KCNH7: variants seen among roughly 807,000 people sequenced by gnomAD.
KCNH7 encodes voltage-gated inwardly rectifying potassium channel KCNH7.
A neutral mutation model predicts 120.8 loss-of-function variants in KCNH7; 49 were observed. That is an observed-to-expected ratio of 0.41 (90% CI 0.32 to 0.51). KCNH7 has a LOEUF of 0.51. Among genes scored for constraint, KCNH7 ranks in the 20% least tolerant of loss-of-function variants. KCNH7 has a pLI of 0.38. For missense variants in KCNH7, 1,097 were observed against 1,446.6 expected (o/e 0.76, Z 3.92); for synonymous variants, 547 against 516.1 (o/e 1.06, Z -0.81).
chr2:162,567,616 A>C (rs916264492), intron 2 of KCNH7, among the ~76,000 whole-genome samples: 2 of 151,984 alleles, frequency 1.3e-5, no homozygotes, highest in South Asian at 4.1e-4. Context: ...TGTATTGTTT[A>C]TCTTTCTTTT....
At chr2:162,544,209 G>A (rs990358191) in intron 2 of KCNH7, among the ~76,000 whole-genome samples, 15 of 152,046 alleles carry the variant, frequency 9.9e-5, no homozygotes, top group South Asian at 4.1e-4. Context: ...ACTGTGCTCC[G>A]GGTAATGTAT....
At chr2:162,414,496 A>G (rs992971801) in intron 9 of KCNH7, among the ~76,000 whole-genome samples, 33 of 151,664 alleles carry the variant, frequency 2.2e-4, no homozygotes, top group African/African-American at 8.0e-4. Context: ...ACATGCCATT[A>G]AAAGGAATGA....
chr2:162,540,985 T>C (rs1454290954), intron 2 of KCNH7, among the ~76,000 whole-genome samples: 1 of 152,018 alleles, frequency 6.6e-6, no homozygotes, highest in African/African-American at 2.4e-5. Context: ...GCTGATACAT[T>C]GGATGGGACA....
intron 2 of KCNH7, among the ~76,000 whole-genome samples, chr2:162,542,471 A>G (rs1043552781): frequency 7.4e-6 from 1 of 135,340 alleles, no homozygotes; most frequent in Admixed American, 8.5e-5. Context: ...TCACTGTTCA[A>G]TTCCCATCTA....
At chr2:162,779,079 T>C (rs534109411) in intron 2 of KCNH7, among the ~76,000 whole-genome samples, 7 of 152,260 alleles carry the variant, frequency 4.6e-5, no homozygotes, top group Non-Finnish European at 7.4e-5. Context: ...GTTTAATTTG[T>C]TTTGTTTTGT....
In KCNH7 at chr2:162,697,476, C is replaced by A. The variant is rs192016957; in HGVS notation, c.307+139061G>T. Among the ~76,000 whole-genome samples, 402 of 152,082 alleles carry A rather than the reference C, an allele frequency of 2.6e-3. 2 individuals are homozygous for A. Among genetic ancestry groups the A allele is most frequent in the African/African-American group, 8.1e-3 (335 of 41,494 alleles). ...GGCAAGGCTAAATAAACTATGGTGT[C>A]TAAGTATACAAAATGGGATGAGAAC... On this transcript the variant is annotated intron_variant, in intron 2 of 15. Transcript: ENST00000332142.
intron 2 of KCNH7, among the ~76,000 whole-genome samples, chr2:162,554,088 A>G (rs148216331): frequency 2.5e-4 from 38 of 152,334 alleles, no homozygotes; most frequent in Non-Finnish European, 4.6e-4. Context: ...CAGGGAACAA[A>G]GAAAATGACC....
intron 2 of KCNH7, among the ~76,000 whole-genome samples, chr2:162,641,826 C>G (rs1684168159): frequency 1.4e-5 from 2 of 140,654 alleles, no homozygotes; most frequent in South Asian, 4.2e-4. Flanking sequence ...GAAATGGGAT[C>G]TCTCTACATT....
At chr2:162,735,713 C>G (rs1687880859) in intron 2 of KCNH7, among the ~76,000 whole-genome samples, 1 of 152,158 alleles carries the variant, frequency 6.6e-6, no homozygotes, top group African/African-American at 2.4e-5. Context: ...CTTAAAAAGC[C>G]TAATCTCCAA....
At chr2:162,659,404 C>T (rs1574232409) in intron 2 of KCNH7, among the ~76,000 whole-genome samples, 1 of 150,530 alleles carries the variant, frequency 6.6e-6, no homozygotes, top group South Asian at 2.1e-4. Context: ...TGCAGTAGCA[C>T]AATCTTGGCT....
At chr2:162,764,321 C>T (rs1488741540) in intron 2 of KCNH7, among the ~76,000 whole-genome samples, 1 of 151,992 alleles carries the variant, frequency 6.6e-6, no homozygotes, top group East Asian at 1.9e-4. Context: ...ATTCAAAGCA[C>T]AATGTGGTCA....
chr2:162,723,374 A>G (rs1374319560), intron 2 of KCNH7, among the ~76,000 whole-genome samples: 2 of 152,136 alleles, frequency 1.3e-5, no homozygotes, highest in Non-Finnish European at 2.9e-5. Context: ...TACATTGCCA[A>G]TTGAAGGGAT....
intron 2 of KCNH7, among the ~76,000 whole-genome samples, chr2:162,707,889 C>T (rs1686771007): frequency 6.6e-6 from 1 of 152,066 alleles, no homozygotes; most frequent in Non-Finnish European, 1.5e-5. Flanking sequence ...CTTTTCTTCC[C>T]AGATATCCAT....
intron 2 of KCNH7, among the ~76,000 whole-genome samples, chr2:162,538,343 T>C (rs1177254181): frequency 6.6e-6 from 1 of 152,094 alleles, no homozygotes; most frequent in African/African-American, 2.4e-5. Context: ...CCCCCTGATT[T>C]AGGAAATGTG....
chr2:162,817,296 C>G (rs1684948829), intron 2 of KCNH7, among the ~76,000 whole-genome samples: 1 of 152,080 alleles, frequency 6.6e-6, no homozygotes, highest in South Asian at 2.1e-4. Context: ...TAATCTTGAG[C>G]TTTATGTAAT....
intron 9 of KCNH7, among the ~76,000 whole-genome samples, chr2:162,404,172 A>T (rs528724524): frequency 3.0e-4 from 46 of 151,930 alleles, no homozygotes; most frequent in Non-Finnish European, 6.2e-4. Flanking sequence ...TGATTTGGTG[A>T]TTGTTATATC....
At chr2:162,493,758 G>A (rs182248178) in intron 6 of KCNH7, among the ~76,000 whole-genome samples, 5 of 152,296 alleles carry the variant, frequency 3.3e-5, no homozygotes, top group Non-Finnish European at 7.4e-5. Context: ...TACAAGCTGT[G>A]TAAGGAAAGT....
At chr2:162,511,137 G>A (rs1691059034) in intron 5 of KCNH7, among the ~76,000 whole-genome samples, 1 of 151,620 alleles carries the variant, frequency 6.6e-6, no homozygotes, top group African/African-American at 2.4e-5. Context: ...TATTAAAAAT[G>A]AGAGAGTTGA....
intron 6 of KCNH7, among the ~76,000 whole-genome samples, chr2:162,447,313 G>T (rs563492280): frequency 6.6e-6 from 1 of 152,036 alleles, no homozygotes; most frequent in Non-Finnish European, 1.5e-5. Flanking sequence ...CTACCAAGTA[G>T]AAAAGTCCAT....
Sources: allele counts gnomAD v4.1 joint callset (sites outside exome capture counted in the v4.1 genomes callset), GRCh38; gene constraint gnomAD v4.1.1; transcripts MANE v1.5; gene names NCBI Gene and HGNC (gene_info 2026-07-23, HGNC 2026-07-21).